The following GNAQ variants were observed in gnomAD, a reference collection of about 807,000 sequenced individuals.
The protein encoded by GNAQ is G protein subunit alpha q.
Under a neutral mutation model 43.9 loss-of-function variants are expected in GNAQ, and 8 were observed. The observed-to-expected ratio is 0.18, with a 90% confidence interval of 0.11 to 0.33. The LOEUF (loss-of-function observed/expected upper bound fraction) is 0.33, where lower values mean the gene tolerates loss of function less well. GNAQ is among the 10% of genes least tolerant of loss of function. The probability of loss-of-function intolerance (pLI) is 1.00; values close to 1 mark genes in which losing one functional copy is unlikely to be tolerated. For synonymous variants in GNAQ, 155 were observed against 170.7 expected (o/e 0.91, Z 0.71); for missense variants, 158 against 450.8 (o/e 0.35, Z 5.88).
intron 1 of GNAQ, among the ~76,000 whole-genome samples, chr9:77,961,108 T>G (rs1349235949): frequency 6.6e-6 from 1 of 152,210 alleles, no homozygotes; most frequent in African/African-American, 2.4e-5. Context: ...AAGTAGATGC[T>G]TTTAGAACCT....
At chr9:77,794,074 C>T (rs532484312) in intron 5 of GNAQ, among the ~76,000 whole-genome samples, 3 of 152,090 alleles carry the variant, frequency 2.0e-5, no homozygotes, top group Non-Finnish European at 4.4e-5. Flanking sequence ...GGGACACACC[C>T]ATCACACAAA....
At position 77,976,159 on chromosome 9, in the gene GNAQ, G is replaced by C. The variant is rs555833895; in HGVS notation, c.137-53814C>G. On this transcript the variant is annotated intron_variant, in intron 1 of 6. Transcript: ENST00000286548. ...TGTTTTAACTTTTTGTCTTCCACCT[G>C]CTTCTAATTTATATTAGTTTATATT... Among the ~76,000 whole-genome samples, 14 of 152,230 alleles carry C rather than the reference G, an allele frequency of 9.2e-5. No homozygotes were observed. The East Asian group carries it at 2.5e-3, about 27-fold the overall frequency.
At chr9:77,727,075 CAAAT>C (rs1213559007) in intron 6 of GNAQ, among the ~76,000 whole-genome samples, 36 of 145,536 alleles carry the variant, frequency 2.5e-4, no homozygotes, top group Non-Finnish European at 4.5e-4. Flanking sequence ...ATTATCTTGC[CAAAT>C]AAATAAACTT....
At chr9:77,816,667 T>C (rs1215798776) in intron 2 of GNAQ, among the ~76,000 whole-genome samples, 1 of 151,992 alleles carries the variant, frequency 6.6e-6, no homozygotes. Context: ...TAAGCACAAA[T>C]AACTAATTGT....
At chr9:77,813,353 G>A (rs932146852) in intron 3 of GNAQ, among the ~76,000 whole-genome samples, 7 of 152,254 alleles carry the variant, frequency 4.6e-5, no homozygotes, top group South Asian at 2.1e-4. Flanking sequence ...TTGCTTTATC[G>A]TAAGGAGTGT....
chr9:77,972,306 A>C lies in GNAQ; in HGVS notation c.137-49961T>G, dbSNP rs1312153956. On this transcript the variant is annotated intron_variant, in intron 1 of 6. Transcript: ENST00000286548. ...ATTAATCGTGCACGCACCATGGCAA[A>C]TCCTGAGGCAGGTACTAGGGACACA... Among the ~76,000 whole-genome samples, 6 of 152,196 alleles carry C rather than the reference A, an allele frequency of 3.9e-5. No homozygotes were observed. The East Asian group carries it at 1.2e-3, about 29-fold the overall frequency.
intron 5 of GNAQ, among the ~76,000 whole-genome samples, chr9:77,752,197 T>C (rs537502300): frequency 7.2e-5 from 11 of 152,350 alleles, no homozygotes; most frequent in Middle Eastern, 6.8e-3. Flanking sequence ...AAACATGGTG[T>C]AGAGAGGTCT....
chr9:77,989,233 A>G (rs1404918604), intron 1 of GNAQ, among the ~76,000 whole-genome samples: 1 of 152,198 alleles, frequency 6.6e-6, no homozygotes, highest in African/African-American at 2.4e-5. Flanking sequence ...TTTTCTGTTT[A>G]TAAAAGCAAG....
At chr9:77,789,822 T>C (rs537596800) in intron 5 of GNAQ, among the ~76,000 whole-genome samples, 2 of 152,328 alleles carry the variant, frequency 1.3e-5, no homozygotes, top group African/African-American at 2.4e-5. Context: ...TTCATGTGTG[T>C]CTGCTTCCCT....
chr9:77,890,533 G>A (rs967065256), intron 2 of GNAQ, among the ~76,000 whole-genome samples: 4 of 152,188 alleles, frequency 2.6e-5, no homozygotes, highest in Non-Finnish European at 4.4e-5. Context: ...AGATCAGCCT[G>A]ACCAACATGG....
At chr9:77,984,510 A>T (rs1823409450) in intron 1 of GNAQ, among the ~76,000 whole-genome samples, 1 of 152,176 alleles carries the variant, frequency 6.6e-6, no homozygotes, top group Non-Finnish European at 1.5e-5. Context: ...GAGTTGATGA[A>T]ATAGTTAACA....
At chr9:77,791,264 G>C (rs11145563) in intron 5 of GNAQ, among the ~76,000 whole-genome samples, 12,771 of 152,192 alleles carry the variant, frequency 0.084, 1,153 homozygotes, top group East Asian at 0.22. Flanking sequence ...GTAGTGCTCA[G>C]ATATTCATGA....
At chr9:77,988,460 A>G (rs1823469452) in intron 1 of GNAQ, among the ~76,000 whole-genome samples, 2 of 152,226 alleles carry the variant, frequency 1.3e-5, no homozygotes, top group South Asian at 2.1e-4. Context: ...TCTTCCATCA[A>G]TGGAGCACGT....
chr9:77,727,939 T>C (rs193034479), intron 6 of GNAQ, among the ~76,000 whole-genome samples: 68 of 152,162 alleles, frequency 4.5e-4, no homozygotes, highest in Admixed American at 1.3e-3. Context: ...TAATACACAA[T>C]TGGTCAAAAC....
Position 77,900,268 on chromosome 9 carries a change from A to G in GNAQ, c.321+21893T>C, listed in dbSNP as rs143226861. 2.6e-5 allele frequency among the ~76,000 whole-genome samples: 4 copies of G among 152,336 alleles called. No homozygotes were observed. In the East Asian group the frequency reaches 7.7e-4, roughly 29 times the overall value. ...GTATTCCACATTCTAACAGAAACACATGTACGAATAACACAGTCAAAAAAG... is the reference window on the plus strand; with the variant it reads ...GTATTCCACATTCTAACAGAAACACGTGTACGAATAACACAGTCAAAAAAG... On this transcript the variant is annotated intron_variant, in intron 2 of 6. Coordinates refer to ENST00000286548, the MANE Select transcript of GNAQ (RefSeq NM_002072.5).
At position 77,765,741 on chromosome 9, in the gene GNAQ, G is replaced by A. The variant is rs367707729; in HGVS notation, c.735+28722C>T. Among the ~76,000 whole-genome samples the A allele has an allele frequency of 4.6e-5, 7 of 152,338 alleles. No homozygotes were observed. In the East Asian group the frequency reaches 7.7e-4, roughly 17 times the overall value. ...AAAAATACAATCACCATATGCTCCA[G>A]CAATTCCACTTCTGGGTGTATACCC... On this transcript the variant is annotated intron_variant, in intron 5 of 6. Coordinates refer to ENST00000286548, the MANE Select transcript of GNAQ (RefSeq NM_002072.5).
intron 3 of GNAQ, among the ~76,000 whole-genome samples, chr9:77,811,617 A>T (rs1826927018): frequency 1.3e-5 from 2 of 152,214 alleles, no homozygotes; most frequent in African/African-American, 2.4e-5. Flanking sequence ...AAACATGTGG[A>T]ACACAGCAGC....
intron 2 of GNAQ, among the ~76,000 whole-genome samples, chr9:77,872,350 T>A (rs1055956156): frequency 1.3e-5 from 2 of 152,104 alleles, no homozygotes; most frequent in Non-Finnish European, 2.9e-5. Flanking sequence ...GCAAAAAAAA[T>A]AATCATTTCT....
intron 2 of GNAQ, among the ~76,000 whole-genome samples, chr9:77,892,147 A>T (rs1035363942): frequency 6.6e-6 from 1 of 152,074 alleles, no homozygotes; most frequent in African/African-American, 2.4e-5. Context: ...GGGATTCTTA[A>T]ATCTAGCCTA....
Sources: allele counts gnomAD v4.1 joint callset (sites outside exome capture counted in the v4.1 genomes callset), GRCh38; gene constraint gnomAD v4.1.1; transcripts MANE v1.5; gene names NCBI Gene and HGNC (gene_info 2026-07-23, HGNC 2026-07-21).